Variants in AFF2 observed in about 807,000 individuals in gnomAD.
The protein encoded by AFF2 is ALF transcription elongation factor 2.
A neutral mutation model predicts 76.9 loss-of-function variants in AFF2; 14 were observed. The observed-to-expected ratio is 0.18, with a 90% CI of 0.12 to 0.28. The LOEUF is 0.28. AFF2 is among the 10% of genes least tolerant of loss of function. The pLI, the probability that AFF2 is intolerant of heterozygous loss-of-function variation, is 1.00. For missense variants in AFF2, 868 were observed against 1,001.1 expected (o/e 0.87, Z 1.79); for synonymous variants, 398 against 366.7 (o/e 1.09, Z -0.98).
chrX:148,843,102 C>A, intron 6 of AFF2, 100 bp downstream of exon 6: 1 of 650,389 alleles, frequency 1.5e-6, no homozygotes, highest in Non-Finnish European at 2.3e-6. Flanking sequence ...CATGAAAGAA[C>A]AACAATAACA....
intron 1 of AFF2, among the ~76,000 whole-genome samples, chrX:148,599,131 T>C (rs373110972): frequency 8.9e-6 from 1 of 112,299 alleles, no homozygotes; most frequent in Non-Finnish European, 1.9e-5. Flanking sequence ...CATGTGCTTA[T>C]TGTGACCCTG....
intron 7 of AFF2, among the ~76,000 whole-genome samples, chrX:148,871,020 A>C (rs2070967360): frequency 9.0e-6 from 1 of 110,796 alleles, no homozygotes; most frequent in South Asian, 3.9e-4. Flanking sequence ...TCATAATTGG[A>C]AACAGTGTCA....
intron 1 of AFF2, among the ~76,000 whole-genome samples, chrX:148,615,060 C>T (rs1320037628): frequency 9.0e-6 from 1 of 110,556 alleles, no homozygotes; most frequent in Non-Finnish European, 1.9e-5. Context: ...TTTTGCCTGG[C>T]TCCAAAATGT....
At chrX:148,740,318 A>G (rs895665469) in intron 3 of AFF2, among the ~76,000 whole-genome samples, 9 of 111,508 alleles carry the variant, frequency 8.1e-5, no homozygotes, top group Non-Finnish European at 1.7e-4. Flanking sequence ...TCATAATCCC[A>G]GACTTCTTGG....
chrX:148,960,961 T>C (rs1349360796), intron 12 of AFF2, among the ~76,000 whole-genome samples: 1 of 111,955 alleles, frequency 8.9e-6, no homozygotes, highest in Non-Finnish European at 1.9e-5. Context: ...CCTAGGTGTC[T>C]TTCACCAAGA....
chrX:148,954,859 C>A (rs1249826519), intron 10 of AFF2, among the ~76,000 whole-genome samples: 2 of 111,914 alleles, frequency 1.8e-5, no homozygotes, highest in Non-Finnish European at 3.8e-5. Flanking sequence ...TACCATAAGC[C>A]TCAGCTGATG....
At chrX:148,973,366 T>A (rs1388585303) in intron 15 of AFF2, 105 bp from the exon 16 acceptor site, 126 of 1,000,526 alleles carry the variant, frequency 1.3e-4, no homozygotes, top group Non-Finnish European at 1.7e-4. Flanking sequence ...TTGCCAAATG[T>A]TCCCTGTGGG....
intron 3 of AFF2, among the ~76,000 whole-genome samples, chrX:148,698,413 G>A (rs1331905948): frequency 1.8e-5 from 2 of 112,455 alleles, no homozygotes; most frequent in African/African-American, 3.2e-5. Flanking sequence ...CAAGCGACGC[G>A]TGACCTGCTA....
At chrX:148,733,511 G>T (rs1557264854) in intron 3 of AFF2, among the ~76,000 whole-genome samples, 1 of 111,053 alleles carries the variant, frequency 9.0e-6, no homozygotes. Context: ...GAACTCCGTA[G>T]GCTTGCCTAT....
At chrX:148,862,821 A>G (rs1159305351) in intron 7 of AFF2, among the ~76,000 whole-genome samples, 1 of 112,124 alleles carries the variant, frequency 8.9e-6, no homozygotes, top group African/African-American at 3.2e-5. Context: ...AACAACAATG[A>G]ATACACAAGC....
At chrX:148,731,486 G>C (rs184130740) in intron 3 of AFF2, among the ~76,000 whole-genome samples, 1 of 111,670 alleles carries the variant, frequency 9.0e-6, no homozygotes, top group Non-Finnish European at 1.9e-5. Flanking sequence ...TTCGGACAAA[G>C]CACTTACTTT....
rs782268933 is a variant in AFF2, at chrX:148,953,649, A to T, written c.1467A>T (p.Glu489Asp). 5.0e-6 allele frequency: 6 copies of T among 1,211,571 alleles called. No individual in the cohort carries two copies. The highest frequency in any genetic ancestry group is 2.3e-4 in the Middle Eastern group (1 of 4,355). The change falls in exon 10 of 21, where the codon GAA becomes GAT. Residue 489 changes from glutamate (E) to aspartate (D), a missense_variant. Physicochemically the swap from Glu to Asp is conservative, Grantham distance 45. Around this residue, in one of 6 missense-constraint regions of AFF2, gnomAD observed 532 missense variants for 564.2 expected, o/e 0.94. Coordinates refer to ENST00000370460, the MANE Select transcript of AFF2 (RefSeq NM_002025.4). ...QASGGSGSSS[E>D]SESSSESDSD... ...GCGGGGGTTCTGGCAGCTCCAGCGA[A>T]TCGGAGAGCAGCTCTGAGTCGGATT...
intron 1 of AFF2, among the ~76,000 whole-genome samples, chrX:148,562,727 C>T (rs962946798): frequency 1.8e-5 from 2 of 111,693 alleles, no homozygotes; most frequent in East Asian, 5.7e-4. Context: ...CTCCCTTCCT[C>T]TCTCTTCCTC....
At chrX:148,675,566 T>C (rs1238582424) in intron 3 of AFF2, among the ~76,000 whole-genome samples, 1 of 109,862 alleles carries the variant, frequency 9.1e-6, no homozygotes, top group Admixed American at 9.8e-5. Context: ...CAGTTCTAGA[T>C]TGAACCTATG....
chrX:148,589,968 C>A (rs1357310901), intron 1 of AFF2, among the ~76,000 whole-genome samples: 2 of 103,727 alleles, frequency 1.9e-5, no homozygotes, highest in African/African-American at 7.0e-5. Context: ...AGCAGTGTTA[C>A]CTTTCAGCAA....
chrX:148,773,394 G>A (rs2069615014), intron 3 of AFF2, among the ~76,000 whole-genome samples: 1 of 110,712 alleles, frequency 9.0e-6, no homozygotes, highest in Non-Finnish European at 1.9e-5. Flanking sequence ...AAATCTTCAT[G>A]AGAAGAAAGT....
At chrX:148,806,744 G>C (rs1053501966) in intron 3 of AFF2, among the ~76,000 whole-genome samples, 1 of 111,901 alleles carries the variant, frequency 8.9e-6, no homozygotes, top group Non-Finnish European at 1.9e-5. Context: ...GTATGTCCCA[G>C]TGGGTTTCTA....
Position 148,662,246 on chromosome X carries a change from G to C in AFF2, c.519G>C (p.Gln173His). 1 of 1,211,630 alleles carries C rather than the reference G, an allele frequency of 8.3e-7. No individual in the cohort carries two copies. The highest frequency in any genetic ancestry group is 3.0e-5 in the East Asian group (1 of 33,825). Reference protein sequence around the residue: ...SHNPSTVLASQASGQPNKMQT... With the variant: ...SHNPSTVLASHASGQPNKMQT... ...ACCCTAGCACTGTACTGGCAAGCCAGGCCAGTGGTCAGCCAAACAAGATGC... is the reference window on the plus strand; with the variant it reads ...ACCCTAGCACTGTACTGGCAAGCCACGCCAGTGGTCAGCCAAACAAGATGC... Residue 173 changes from glutamine to histidine, a missense_variant, in exon 3 of 21, where the codon CAG (glutamine) becomes CAC (histidine). Gln to His is a conservative substitution (Grantham distance 24, BLOSUM62 0). Around this residue, in one of 6 missense-constraint regions of AFF2, gnomAD observed 196 missense variants for 194.8 expected, o/e 1.01. Transcript: ENST00000370460.
At chrX:148,815,238 T>C (rs2070250914) in intron 4 of AFF2, among the ~76,000 whole-genome samples, 1 of 112,001 alleles carries the variant, frequency 8.9e-6, no homozygotes. Flanking sequence ...ATGAACTAAC[T>C]AATGATAGTG....
Sources: allele counts gnomAD v4.1 joint callset (sites outside exome capture counted in the v4.1 genomes callset), GRCh38; gene constraint gnomAD v4.1.1; regional missense constraint gnomAD v4.1.1; transcripts MANE v1.5; gene names NCBI Gene and HGNC (gene_info 2026-07-23, HGNC 2026-07-21).